TTLL6: variants seen among roughly 807,000 people sequenced by gnomAD.
The protein encoded by TTLL6 is tubulin tyrosine ligase like 6, also known as tubulin polyglutamylase TTLL6.
TTLL6 carries 75 observed loss-of-function variants against 96.4 expected under a neutral mutation model. The ratio of observed to expected loss-of-function variants is 0.78; its 90% CI spans 0.65 to 0.94. The LOEUF (loss-of-function observed/expected upper bound fraction) is 0.94. TTLL6 is among the 40% of genes least tolerant of loss of function. TTLL6 has a pLI of 0.00. For synonymous variants in TTLL6, 411 were observed against 419.4 expected (o/e 0.98, Z 0.24); for missense variants, 1,030 against 1,093.0 (o/e 0.94, Z 0.81).
chr17:48,808,084 T>C lies in TTLL6; in HGVS notation c.104-3093A>G, dbSNP rs911192361. Among the ~76,000 whole-genome samples the C allele has an allele frequency of 3.3e-5, 5 of 152,104 alleles. No individual in the cohort carries two copies. In the East Asian group the frequency reaches 7.8e-4, roughly 24 times the overall value. ...CAATCTCCTGACCTCGTGATCCGCCTGCCTCGGCCTCCCAAAGTGCTGGGA... is the reference window on the plus strand; with the variant it reads ...CAATCTCCTGACCTCGTGATCCGCCCGCCTCGGCCTCCCAAAGTGCTGGGA... On this transcript the variant is annotated intron_variant, in intron 1 of 15. Coordinates refer to ENST00000393382, the MANE Select transcript of TTLL6 (RefSeq NM_001130918.3).
At chr17:48,815,518 C>G (rs937564958) in intron 1 of TTLL6, 2 of 152,246 alleles carry the variant, frequency 1.3e-5, no homozygotes, top group Non-Finnish European at 2.9e-5. Flanking sequence ...ATTATTTCCT[C>G]TCCCACTCCC....
At chr17:48,807,936 T>C (rs1253563621) in intron 1 of TTLL6, among the ~76,000 whole-genome samples, 3 of 152,188 alleles carry the variant, frequency 2.0e-5, no homozygotes, top group Admixed American at 1.3e-4. Context: ...CCTCCTGGGT[T>C]CACGCCATTC....
At chr17:48,792,860 T>C (rs1357622058) in intron 8 of TTLL6, among the ~76,000 whole-genome samples, 1 of 152,196 alleles carries the variant, frequency 6.6e-6, no homozygotes, top group Non-Finnish European at 1.5e-5. Context: ...ATTTGCCTAA[T>C]TGGGAAATAA....
chr17:48,786,855 A>ATTT (rs1567723930), intron 11 of TTLL6, among the ~76,000 whole-genome samples: 14 of 115,082 alleles, frequency 1.2e-4, no homozygotes, highest in African/African-American at 4.1e-4. Context: ...TTTTTTTGAG[A>ATTT]TGGAGTCTCG....
intron 1 of TTLL6, among the ~76,000 whole-genome samples, chr17:48,810,197 C>G (rs1000809105): frequency 3.3e-5 from 5 of 151,134 alleles, no homozygotes; most frequent in African/African-American, 1.2e-4. Flanking sequence ...TATGTTTGCT[C>G]TTGCATGAGA....
At chr17:48,808,384 G>A (rs2039535265) in intron 1 of TTLL6, among the ~76,000 whole-genome samples, 1 of 151,970 alleles carries the variant, frequency 6.6e-6, no homozygotes, top group African/African-American at 2.4e-5. Flanking sequence ...ATGTGTGTGT[G>A]TGTGTGTGTG....
chr17:48,765,039 C>T (rs1465619034), intron 15 of TTLL6, among the ~76,000 whole-genome samples: 1 of 152,196 alleles, frequency 6.6e-6, no homozygotes, highest in East Asian at 1.9e-4. Flanking sequence ...TGACTCAAAT[C>T]CTTGCTGTGA....
intron 8 of TTLL6, among the ~76,000 whole-genome samples, chr17:48,793,598 A>AG (rs1487628113): frequency 3.4e-4 from 52 of 150,810 alleles, no homozygotes; most frequent in African/African-American, 1.2e-3. Flanking sequence ...TTCCGTCTCA[A>AG]GAAAAAAAAA....
intron 2 of TTLL6, 136 bp downstream of exon 2, chr17:48,804,635 CA>C (rs1304175085): frequency 4.1e-6 from 3 of 736,352 alleles, no homozygotes; most frequent in Non-Finnish European, 6.9e-6. Context: ...TTATATGAAC[CA>C]AAAGTGGTGA....
intron 1 of TTLL6, chr17:48,812,270 A>G (rs2039608046): frequency 1.3e-5 from 2 of 152,214 alleles, no homozygotes; most frequent in African/African-American, 4.8e-5. Flanking sequence ...GACATGGCCT[A>G]AGGAGAATAC....
At position 48,785,041 on chromosome 17, in the gene TTLL6, G is replaced by T; in HGVS notation, c.1922C>A (p.Ser641Tyr). 6.2e-7 allele frequency: 1 copy of T among 1,614,184 alleles called. No individual in the cohort carries two copies. The highest frequency in any genetic ancestry group is 1.1e-5 in the South Asian group (1 of 91,086). Residue 641 changes from serine to tyrosine, a missense_variant, in exon 13 of 16, where the codon TCT becomes TAT. By Grantham distance (144) the Ser-to-Tyr change is moderately radical. Coordinates refer to ENST00000393382, the MANE Select transcript of TTLL6 (RefSeq NM_001130918.3). The stretch of plus-strand genomic sequence containing the variant: ...ATTGATATTCCTCAGATCGGGTAGA[G>T]AACTGAAGGGCTTCGCAGACGTCAG... ...PKLTSAKPFSSLPDLRNINLS... is the reference protein window; with the variant it reads ...PKLTSAKPFSYLPDLRNINLS...
At chr17:48,808,042 G>A (rs370739940) in intron 1 of TTLL6, among the ~76,000 whole-genome samples, 121 of 152,154 alleles carry the variant, frequency 8.0e-4, no homozygotes, top group African/African-American at 2.9e-3. Context: ...GTTTCACTGT[G>A]TTAGCCAGGA....
chr17:48,768,656 T>A (rs2038666056), intron 15 of TTLL6, among the ~76,000 whole-genome samples: 1 of 151,882 alleles, frequency 6.6e-6, no homozygotes, highest in Non-Finnish European at 1.5e-5. Context: ...TCTTCTCGCC[T>A]CAGCCTCTCA....
intron 7 of TTLL6, 34 bp downstream of exon 7, chr17:48,797,027 G>GGGTA: frequency 6.5e-7 from 1 of 1,539,754 alleles, no homozygotes; most frequent in Non-Finnish European, 8.8e-7. Context: ...CACGCTATGG[G>GGGTA]GGTAGGGTGA....
intron 12 of TTLL6, among the ~76,000 whole-genome samples, 174 bp from the exon 13 acceptor site, chr17:48,785,375 T>G (rs1300852157): frequency 6.6e-6 from 1 of 152,194 alleles, no homozygotes; most frequent in Non-Finnish European, 1.5e-5. Flanking sequence ...CTTAGAGGAC[T>G]CATGGATAGC....
chr17:48,770,246 AGC>A, intron 13 of TTLL6, 149 bp from the exon 14 acceptor site: 2 of 1,123,930 alleles, frequency 1.8e-6, no homozygotes, highest in Non-Finnish European at 2.4e-6. Flanking sequence ...CTCCTGCCTC[AGC>A]CTCCTGAGTA....
chr17:48,790,539 T>C (rs2039198407), intron 9 of TTLL6, among the ~76,000 whole-genome samples: 1 of 152,110 alleles, frequency 6.6e-6, no homozygotes, highest in Non-Finnish European at 1.5e-5. Context: ...AGAGGACTCA[T>C]TCCCGCCCAC....
intron 1 of TTLL6, among the ~76,000 whole-genome samples, chr17:48,807,343 G>A (rs543381181): frequency 1.3e-5 from 2 of 151,748 alleles, no homozygotes; most frequent in African/African-American, 2.4e-5. Context: ...CACCTGCCTC[G>A]GCCTCCCAAA....
At chr17:48,793,381 G>A (rs1278406729) in intron 8 of TTLL6, among the ~76,000 whole-genome samples, 2 of 152,120 alleles carry the variant, frequency 1.3e-5, no homozygotes, top group African/African-American at 4.8e-5. Context: ...AATGTGCACT[G>A]GGCAAAGAAT....
Sources: gnomAD v4.1 joint callset for allele counts (sites outside exome capture counted in the v4.1 genomes callset) on GRCh38, gnomAD v4.1.1 for gene constraint, MANE v1.5 for transcripts, NCBI Gene and HGNC (gene_info 2026-07-23, HGNC 2026-07-21) for gene names.